Variants in ADAM19 observed in about 807,000 individuals in gnomAD.
ADAM19 encodes the protein ADAM metallopeptidase domain 19, also known as disintegrin and metalloproteinase domain-containing protein 19.
ADAM19 carries 65 observed loss-of-function variants against 114.7 expected under a neutral mutation model. The ratio of observed to expected loss-of-function variants is 0.57; its 90% CI spans 0.46 to 0.70. The LOEUF (loss-of-function observed/expected upper bound fraction) is 0.70. ADAM19 is among the 30% of genes least tolerant of loss of function. ADAM19 has a pLI of 0.00. For synonymous variants in ADAM19, 466 were observed against 460.5 expected (o/e 1.01, Z -0.15); for missense variants, 1,063 against 1,204.7 (o/e 0.88, Z 1.74).
chr5:157,483,632 A>T (rs1054553228), intron 21 of ADAM19, among the ~76,000 whole-genome samples: 3 of 135,638 alleles, frequency 2.2e-5, no homozygotes, highest in Non-Finnish European at 4.8e-5. Context: ...CCAGGTGAAC[A>T]TTCCATTTTT....
At chr5:157,489,061 T>C in intron 20 of ADAM19, 41 bp downstream of exon 20, 1 of 1,533,212 alleles carries the variant, frequency 6.5e-7, no homozygotes, top group African/African-American at 1.4e-5. Context: ...CCCTGAGGGA[T>C]AAAGGAAAAG....
rs1754670127 is a variant in ADAM19, at chr5:157,478,890, A to T, written c.*2059T>A. 1 of 985,596 alleles carries T rather than the reference A, an allele frequency of 1.0e-6. No homozygotes were observed. Among genetic ancestry groups the T allele is most frequent in the Non-Finnish European group, 1.2e-6 (1 of 829,946 alleles). The allele number at this position is 985,596 out of a possible 1,614,324, so 61.1% of individuals were successfully genotyped here. A position where few individuals can be genotyped will look rare whatever the true frequency, so the allele number is the denominator to read the frequency against. On this transcript the variant is annotated 3_prime_UTR_variant, in exon 23 of 23. Transcript: ENST00000257527. ...TATGGCTGTGGCGCTGTCATTTCAG[A>T]GCTATCTACCTCCTGATGTGAGGGA... is the stretch of plus-strand genomic sequence containing the variant.
At position 157,481,823 on chromosome 5, in the gene ADAM19, G is replaced by A. The variant is rs752384516; in HGVS notation, c.2671C>T (p.Gln891Ter). Residue 891 changes from glutamine (Q) to a stop codon, truncating the protein, a stop_gained, in exon 22 of 23, where the codon CAG becomes TAG. Transcript: ENST00000257527. LOFTEE classifies it high-confidence loss of function. ...GCAAGTGCTGCCAGAGGCCGGGACT[G>A]CTGAGGGCCAGCACCAGGGGGCCGC... ...PLRPPGAGPQQSRPLAALAPK... is the reference protein window; with the variant it reads ...PLRPPGAGPQ 6.3e-7 allele frequency: 1 copy of A among 1,580,060 alleles called. No individual in the cohort carries two copies.
intron 3 of ADAM19, among the ~76,000 whole-genome samples, chr5:157,548,812 A>G (rs1757114238): frequency 6.6e-6 from 1 of 152,160 alleles, no homozygotes; most frequent in African/African-American, 2.4e-5. Flanking sequence ...CCCAACCACA[A>G]AGGGTAAAGA....
Position 157,479,383 on chromosome 5 carries a change from T to C in ADAM19, c.*1566A>G, listed in dbSNP as rs1754681796. 1.0e-6 allele frequency: 1 copy of C among 986,076 alleles called. No individual in the cohort carries two copies. Among genetic ancestry groups the C allele is most frequent in the Non-Finnish European group, 1.2e-6 (1 of 830,156 alleles). The allele number at this position is 986,076 out of a possible 1,614,324, so 61.1% of individuals were successfully genotyped here. A position where few individuals can be genotyped will look rare whatever the true frequency, so the allele number is the denominator to read the frequency against. ...CAGTGAGGTTTTCAAGAGCAAACAA[T>C]TGCTCATGGCAGGATGGGAGGAGGC... On this transcript the variant is annotated 3_prime_UTR_variant, in exon 23 of 23. Coordinates refer to ENST00000257527, the MANE Select transcript of ADAM19 (RefSeq NM_033274.5).
intron 12 of ADAM19, among the ~76,000 whole-genome samples, chr5:157,500,537 T>C (rs1755526917): frequency 1.3e-5 from 2 of 152,180 alleles, no homozygotes; most frequent in Admixed American, 6.5e-5. Context: ...ACACCCTGTC[T>C]TTCATGGGTG....
intron 21 of ADAM19, among the ~76,000 whole-genome samples, chr5:157,482,302 A>G (rs1404774464): frequency 6.6e-6 from 1 of 152,214 alleles, no homozygotes; most frequent in East Asian, 1.9e-4. Flanking sequence ...TGGGGATATT[A>G]GCCCTCTGTC....
chr5:157,481,718 T>C, intron 22 of ADAM19, 73 bp downstream of exon 22: 1 of 1,551,882 alleles, frequency 6.4e-7, no homozygotes, highest in Non-Finnish European at 8.7e-7. Context: ...TGCTTTGTTT[T>C]CTCAACTCTA....
intron 11 of ADAM19, among the ~76,000 whole-genome samples, chr5:157,504,916 G>A (rs1050895563): frequency 2.0e-5 from 3 of 151,830 alleles, no homozygotes; most frequent in African/African-American, 2.4e-5. Flanking sequence ...TCAGGAGATC[G>A]AGACCATCCT....
At chr5:157,562,426 G>T (rs574819189) in intron 3 of ADAM19, among the ~76,000 whole-genome samples, 2 of 152,348 alleles carry the variant, frequency 1.3e-5, no homozygotes, top group South Asian at 4.1e-4. Context: ...GAGCCTCAGT[G>T]TGGGACAATA....
chr5:157,481,983 C>T (rs1433712967), intron 21 of ADAM19, 40 bp from the exon 22 acceptor site: 11 of 1,490,970 alleles, frequency 7.4e-6, no homozygotes, highest in Admixed American at 2.4e-5. Context: ...AGGCCAGAGG[C>T]CTGTTTGAAA....
chr5:157,505,874 C>G, intron 10 of ADAM19, 66 bp from the exon 11 acceptor site: 1 of 1,545,214 alleles, frequency 6.5e-7, no homozygotes, highest in South Asian at 1.2e-5. Context: ...CCCATCCCTG[C>G]CTTATCCTTA....
In ADAM19 at chr5:157,505,723, T is replaced by C; in HGVS notation, c.1076A>G (p.Asp359Gly). 1 of 1,614,060 alleles carries C rather than the reference T, an allele frequency of 6.2e-7. No individual in the cohort carries two copies. Residue 359 changes from aspartate (D) to glycine (G), a missense_variant, in exon 11 of 23, where the codon GAT becomes GGT. Physicochemically the swap from Asp to Gly is moderately conservative, Grantham distance 94. Transcript: ENST00000257527. ...HNFGMTHDSA[D>G]CCSASAADGG... The stretch of plus-strand genomic sequence containing the variant: ...ATCAGCCGCACTGGCCGAGCAGCAA[T>C]CTGCAGAATCATGGGTCATGCCAAA...
chr5:157,482,073 T>C, intron 21 of ADAM19, 130 bp from the exon 22 acceptor site: 1 of 737,902 alleles, frequency 1.4e-6, no homozygotes, highest in Non-Finnish European at 2.2e-6. Context: ...AGAAAGAAAC[T>C]GTATGTATAA....
chr5:157,519,444 C>T (rs1468102246), intron 6 of ADAM19, among the ~76,000 whole-genome samples: 1 of 152,130 alleles, frequency 6.6e-6, no homozygotes, highest in Non-Finnish European at 1.5e-5. Context: ...GCCATCATGC[C>T]CAGCTAATTT....
intron 3 of ADAM19, among the ~76,000 whole-genome samples, chr5:157,551,571 G>A (rs567887656): frequency 9.9e-5 from 15 of 151,918 alleles, no homozygotes; most frequent in Non-Finnish European, 1.9e-4. Flanking sequence ...GGACAAATGG[G>A]ATCACAACAA....
chr5:157,508,025 T>C (rs1269710899), intron 9 of ADAM19, among the ~76,000 whole-genome samples: 1 of 152,212 alleles, frequency 6.6e-6, no homozygotes, highest in Non-Finnish European at 1.5e-5. Flanking sequence ...TCACACATAG[T>C]GGGTATACAA....
At position 157,481,845 on chromosome 5, in the gene ADAM19, C is replaced by T. The variant is rs1221050161; in HGVS notation, c.2649G>A (p.Arg883=). The T allele has an allele frequency of 6.9e-6, 11 of 1,585,500 alleles. No individual in the cohort carries two copies. The highest frequency in any genetic ancestry group is 9.4e-6 in the Non-Finnish European group (11 of 1,165,360). The stretch of plus-strand genomic sequence containing the variant: ...ACTGCTGAGGGCCAGCACCAGGGGG[C>T]CGCAGTGGGGATGCACCTCCTGGCC... The part of the protein sequence containing the change: ...LPRPGGASPL[R]PPGAGPQQSR... The change falls in exon 22 of 23, where the codon CGG becomes CGA. Residue 883 remains arginine (R), a synonymous_variant. Coordinates refer to ENST00000257527, the MANE Select transcript of ADAM19 (RefSeq NM_033274.5).
Position 157,493,659 on chromosome 5 carries a change from T to C in ADAM19, c.1704-482A>G, listed in dbSNP as rs11744541. Among the ~76,000 whole-genome samples, 1,126 of 152,240 alleles carry C rather than the reference T, an allele frequency of 7.4e-3. 11 individuals carry two copies. Among genetic ancestry groups the C allele is most frequent in the Middle Eastern group, 0.031 (9 of 294 alleles). The stretch of plus-strand genomic sequence containing the variant: ...CCCCCCTTACCTGGTCTGCAGAAGA[T>C]TGATTTCCCTGCCTCCAGTCTGCCT... On this transcript the variant is annotated intron_variant, in intron 15 of 22. Coordinates refer to ENST00000257527, the MANE Select transcript of ADAM19 (RefSeq NM_033274.5).
Sources: gnomAD v4.1 joint callset for allele counts (sites outside exome capture counted in the v4.1 genomes callset) on GRCh38, gnomAD v4.1.1 for gene constraint, MANE v1.5 for transcripts, NCBI Gene and HGNC (gene_info 2026-07-23, HGNC 2026-07-21) for gene names.